The following CACNB2 variants were observed in gnomAD, a reference collection of about 807,000 sequenced individuals.
CACNB2 encodes calcium voltage-gated channel auxiliary subunit beta 2.
A neutral mutation model predicts 73.3 loss-of-function variants in CACNB2; 42 were observed. The ratio of observed to expected loss-of-function variants is 0.57; its 90% confidence interval spans 0.45 to 0.74. The LOEUF (loss-of-function observed/expected upper bound fraction) is 0.74, where lower values mean the gene tolerates loss of function less well. Among genes scored for constraint, CACNB2 ranks in the 30% least tolerant of loss-of-function variants. The probability of loss-of-function intolerance (pLI) is 0.00; values close to 1 mark genes in which losing one functional copy is unlikely to be tolerated. For missense variants in CACNB2, 940 were observed against 853.0 expected (o/e 1.10, Z -1.27); for synonymous variants, 348 against 310.3 (o/e 1.12, Z -1.28).
intron 3 of CACNB2, among the ~76,000 whole-genome samples, chr10:18,486,485 C>T (rs1234015896): frequency 1.3e-5 from 2 of 152,210 alleles, no homozygotes; most frequent in East Asian, 3.8e-4. Context: ...TAAACATTAA[C>T]CACCTCTCTG....
In CACNB2 at chr10:18,498,495, A is replaced by G. The variant is rs2049975542; in HGVS notation, c.456+18A>G. 6.2e-7 allele frequency: 1 copy of G among 1,613,050 alleles called. No homozygotes were observed. On this transcript the variant is annotated intron_variant, in intron 4 of 13. Transcript: ENST00000324631. ...TTAAGGAAGTAAGGAGAATAATTTC[A>G]TTTTCTAACAGCATGATGTTTCACC...
intron 2 of CACNB2, among the ~76,000 whole-genome samples, chr10:18,218,444 C>G (rs2035599133): frequency 6.6e-6 from 1 of 152,156 alleles, no homozygotes; most frequent in Admixed American, 6.5e-5. Flanking sequence ...TTGGTTATAA[C>G]ATTTTTATTC....
chr10:18,334,946 T>A (rs889598350), intron 2 of CACNB2, among the ~76,000 whole-genome samples: 2 of 152,158 alleles, frequency 1.3e-5, no homozygotes, highest in Admixed American at 6.5e-5. Flanking sequence ...GTGCTTTCCT[T>A]TCACTGATTT....
intron 3 of CACNB2, among the ~76,000 whole-genome samples, chr10:18,407,320 C>G (rs2044353355): frequency 6.6e-6 from 1 of 151,658 alleles, no homozygotes; most frequent in South Asian, 2.1e-4. Context: ...CAGGGTTTCT[C>G]CATGTTTTCC....
chr10:18,311,208 C>G (rs1018903857), intron 2 of CACNB2, among the ~76,000 whole-genome samples: 4 of 151,934 alleles, frequency 2.6e-5, no homozygotes, highest in Admixed American at 2.6e-4. Flanking sequence ...TTTTTATTTT[C>G]CAAATATCTG....
At chr10:18,352,201 A>C (rs1384517210) in intron 2 of CACNB2, among the ~76,000 whole-genome samples, 1 of 152,242 alleles carries the variant, frequency 6.6e-6, no homozygotes, top group Non-Finnish European at 1.5e-5. Flanking sequence ...TGATATTCTG[A>C]TAATCCTGTT....
intron 2 of CACNB2, among the ~76,000 whole-genome samples, chr10:18,211,269 T>G (rs1459250252): frequency 6.6e-6 from 1 of 152,202 alleles, no homozygotes; most frequent in African/African-American, 2.4e-5. Context: ...TCACCGTGTT[T>G]GTGACACTAG....
chr10:18,281,569 C>A (rs184630727), intron 2 of CACNB2, among the ~76,000 whole-genome samples: 24 of 152,224 alleles, frequency 1.6e-4, no homozygotes, highest in Non-Finnish European at 2.8e-4. Flanking sequence ...CCGTTCTTTC[C>A]ACTAAATGGT....
chr10:18,215,972 C>G (rs2035494972), intron 2 of CACNB2, among the ~76,000 whole-genome samples: 1 of 152,012 alleles, frequency 6.6e-6, no homozygotes, highest in South Asian at 2.1e-4. Context: ...GATTGTCATT[C>G]TATAATTCTC....
intron 3 of CACNB2, among the ~76,000 whole-genome samples, chr10:18,432,748 A>T (rs1005385916): frequency 1.3e-5 from 2 of 152,118 alleles, no homozygotes; most frequent in African/African-American, 4.8e-5. Flanking sequence ...AGGCGGGAGG[A>T]TGGCTTGAGC....
In CACNB2 at chr10:18,404,930, A is replaced by G. The variant is rs1354270804; in HGVS notation, c.333+2887A>G. Among the ~76,000 whole-genome samples, 4 of 152,328 alleles carry G rather than the reference A, an allele frequency of 2.6e-5. No homozygotes were observed. In the East Asian group the frequency reaches 7.7e-4, roughly 29 times the overall value. ...GTTAATTTTGAGGCCAATAAATACC[A>G]ACTGACATGACATTGTTTTTTAACG... On this transcript the variant is annotated intron_variant, in intron 3 of 13. Transcript: ENST00000324631.
chr10:18,494,241 T>C (rs1445931391), intron 3 of CACNB2, among the ~76,000 whole-genome samples: 1 of 152,206 alleles, frequency 6.6e-6, no homozygotes, highest in African/African-American at 2.4e-5. Flanking sequence ...TAAGATTTTC[T>C]ATGGGGTCTT....
chr10:18,482,903 A>G (rs1036519827), intron 3 of CACNB2, among the ~76,000 whole-genome samples: 1 of 152,148 alleles, frequency 6.6e-6, no homozygotes, highest in Admixed American at 6.6e-5. Flanking sequence ...GCCTCTAACA[A>G]TGCACCCCAG....
intron 2 of CACNB2, among the ~76,000 whole-genome samples, chr10:18,332,353 TA>T (rs928984010): frequency 2.6e-5 from 4 of 152,046 alleles, no homozygotes; most frequent in African/African-American, 9.7e-5. Flanking sequence ...GCTGGGAGGA[TA>T]GGGGAGCATG....
At chr10:18,235,041 G>A (rs796255131) in intron 2 of CACNB2, among the ~76,000 whole-genome samples, 20 of 152,120 alleles carry the variant, frequency 1.3e-4, no homozygotes, top group African/African-American at 4.6e-4. Flanking sequence ...TACTCAGGAG[G>A]CTGAGGCAGG....
At chr10:18,152,709 C>CAAAAAAAAAAAACA (rs2031669346) in intron 2 of CACNB2, among the ~76,000 whole-genome samples, 1 of 49,350 alleles carries the variant, frequency 2.0e-5, no homozygotes, top group Non-Finnish European at 3.7e-5. Flanking sequence ...TGAAACAGAC[C>CAAAAAAAAAAAACA]AAAAAAAAAA....
intron 3 of CACNB2, among the ~76,000 whole-genome samples, chr10:18,432,863 C>CAAAT (rs1177389807): frequency 7.0e-6 from 1 of 143,586 alleles, no homozygotes; most frequent in Non-Finnish European, 1.5e-5. Flanking sequence ...AACAAACAAA[C>CAAAT]AAAAAACTGT....
At chr10:18,260,747 C>A in intron 2 of CACNB2, 1 of 999,926 alleles carries the variant, frequency 1.0e-6, no homozygotes, top group Non-Finnish European at 1.2e-6. Flanking sequence ...CAATCATAGG[C>A]GAGCAGCCGC....
chr10:18,446,454 T>A (rs951686898), intron 3 of CACNB2, among the ~76,000 whole-genome samples: 4 of 152,084 alleles, frequency 2.6e-5, no homozygotes, highest in African/African-American at 9.7e-5. Flanking sequence ...GGGCCTGACA[T>A]GTTAAGGTGA....
Sources: gnomAD v4.1 joint callset for allele counts (sites outside exome capture counted in the v4.1 genomes callset) on GRCh38, gnomAD v4.1.1 for gene constraint, MANE v1.5 for transcripts, NCBI Gene and HGNC (gene_info 2026-07-23, HGNC 2026-07-21) for gene names.